The following FGFR1 variants were observed in gnomAD, a reference collection of about 807,000 sequenced individuals.
FGFR1 encodes the protein FGFR1/PLAG1 fusion.
Under a neutral mutation model 93.7 loss-of-function variants are expected in FGFR1, and 18 were observed. That is an observed-to-expected ratio of 0.19 (90% CI 0.13 to 0.28). FGFR1 has a LOEUF of 0.28. Ranked by LOEUF, FGFR1 falls within the 10% of genes least tolerant of loss-of-function variation. The pLI, the probability that FGFR1 is intolerant of heterozygous loss-of-function variation, is 1.00. For synonymous variants in FGFR1, 448 were observed against 429.3 expected (o/e 1.04, Z -0.54); for missense variants, 731 against 1,080.4 (o/e 0.68, Z 4.53).
rs1249233212 is a variant in FGFR1 at position 38,417,928 on chromosome 8, G to T, written c.1494C>A (p.Ile498=). 9.3e-6 allele frequency: 15 copies of T among 1,614,044 alleles called. No homozygotes were observed. Among genetic ancestry groups the T allele is most frequent in the Non-Finnish European group, 1.2e-5 (14 of 1,180,036 alleles). The change falls in exon 11 of 18, where the codon ATC becomes ATA. Residue 498 remains isoleucine (I), a synonymous_variant. Coordinates refer to ENST00000447712, the MANE Select transcript of FGFR1 (RefSeq NM_023110.3). ...GGTTGGGTTTGTCCTTGTCCAGCCCGATAGCCTCTGCCAACACCACCTGCC... is the reference window on the plus strand; with the variant it reads ...GGTTGGGTTTGTCCTTGTCCAGCCCTATAGCCTCTGCCAACACCACCTGCC... The part of the protein sequence containing the change: ...CFGQVVLAEA[I]GLDKDKPNRV...
intron 2 of FGFR1, among the ~76,000 whole-genome samples, chr8:38,449,624 T>C (rs1027026089): frequency 6.6e-6 from 1 of 152,020 alleles, no homozygotes; most frequent in African/African-American, 2.4e-5. Flanking sequence ...TGTGTCTCCA[T>C]GTCCAGGGCC....
intron 2 of FGFR1, 72 bp downstream of exon 2, chr8:38,457,284 A>AT (rs1833098977): frequency 1.9e-6 from 3 of 1,545,898 alleles, no homozygotes. Flanking sequence ...ACCTGCAACC[A>AT]TATCACCTCC....
At position 38,412,360 on chromosome 8, in the gene FGFR1, A is replaced by C. The variant is rs961183359; in HGVS notation, c.*1268T>G. 8.6e-6 allele frequency: 2 copies of C among 231,700 alleles called. No homozygotes were observed. Among genetic ancestry groups the C allele is most frequent in the African/African-American group, 4.4e-5 (2 of 45,194 alleles). 14.4% of individuals were successfully genotyped at this position (231,700 alleles called of 1,614,324 possible). A position where few individuals can be genotyped will look rare whatever the true frequency, so the allele number is the denominator to read the frequency against. On this transcript the variant is annotated 3_prime_UTR_variant, in exon 18 of 18. Coordinates refer to ENST00000447712, the MANE Select transcript of FGFR1 (RefSeq NM_023110.3). Reference sequence around the variant, plus strand: ...CAACCGCGCCCTTGCTTTCCTCTTAATCACTGTAGCTCTACCCCGTGGCTA... The same window carrying C: ...CAACCGCGCCCTTGCTTTCCTCTTACTCACTGTAGCTCTACCCCGTGGCTA...
At chr8:38,420,635 C>T (rs942281109) in intron 8 of FGFR1, among the ~76,000 whole-genome samples, 11 of 152,084 alleles carry the variant, frequency 7.2e-5, no homozygotes, top group East Asian at 5.8e-4. Context: ...CATCCCAGCA[C>T]GCACAGCACT....
intron 2 of FGFR1, among the ~76,000 whole-genome samples, chr8:38,456,535 G>A (rs1340526400): frequency 6.6e-6 from 1 of 152,182 alleles, no homozygotes; most frequent in Non-Finnish European, 1.5e-5. Context: ...GTGAGACACA[G>A]TTAAGGATAG....
chr8:38,417,638 G>A, intron 11 of FGFR1: 1 of 721,714 alleles, frequency 1.4e-6, no homozygotes, highest in South Asian at 1.6e-5. Flanking sequence ...GCAAGCGATG[G>A]ATCCAGGATA....
intron 1 of FGFR1, chr8:38,465,848 T>G (rs1045696650): frequency 4.5e-6 from 1 of 221,614 alleles, no homozygotes; most frequent in African/African-American, 2.2e-5. Flanking sequence ...AAAGCGCTGG[T>G]CCGGAGGTGC....
intron 1 of FGFR1, among the ~76,000 whole-genome samples, chr8:38,461,750 G>A (rs894196463): frequency 6.6e-6 from 1 of 152,140 alleles, no homozygotes; most frequent in Non-Finnish European, 1.5e-5. Flanking sequence ...GTGATTATGA[G>A]GCTCAAATGG....
At chr8:38,466,422 AG>A in intron 1 of FGFR1, 1 of 231,648 alleles carries the variant, frequency 4.3e-6, no homozygotes, top group Non-Finnish European at 8.5e-6. Context: ...ACAGCCAAAG[AG>A]CCCCCCTAGT....
chr8:38,436,322 C>T (rs1326243034), intron 2 of FGFR1, among the ~76,000 whole-genome samples: 1 of 152,102 alleles, frequency 6.6e-6, no homozygotes, highest in Admixed American at 6.5e-5. Context: ...GCTGCAGGAG[C>T]TATAATCTTG....
chr8:38,434,019 T>C (rs766627925), intron 2 of FGFR1, among the ~76,000 whole-genome samples: 2 of 152,238 alleles, frequency 1.3e-5, no homozygotes, highest in Non-Finnish European at 2.9e-5. Flanking sequence ...TCATACAATA[T>C]GTGATCTTTT....
intron 7 of FGFR1, 134 bp from the exon 8 acceptor site, chr8:38,422,075 G>A: frequency 3.6e-6 from 4 of 1,104,748 alleles, no homozygotes; most frequent in Non-Finnish European, 5.3e-6. Context: ...TTGCAACAAG[G>A]AACAAACGAA....
chr8:38,465,334 A>G (rs982159589), intron 1 of FGFR1: 2 of 232,642 alleles, frequency 8.6e-6, no homozygotes, highest in Non-Finnish European at 1.7e-5. Flanking sequence ...TTCTGCAGGC[A>G]TGTTTGGAAA....
intron 5 of FGFR1, among the ~76,000 whole-genome samples, chr8:38,427,218 T>A (rs1193020727): frequency 6.6e-6 from 1 of 152,180 alleles, no homozygotes; most frequent in Non-Finnish European, 1.5e-5. Flanking sequence ...GCAACATTAT[T>A]TATTATGGTG....
intron 2 of FGFR1, among the ~76,000 whole-genome samples, chr8:38,453,355 C>T (rs1452293945): frequency 2.0e-5 from 3 of 152,262 alleles, no homozygotes; most frequent in Non-Finnish European, 2.9e-5. Flanking sequence ...TCATGGCCTA[C>T]GGACCAGGCA....
In FGFR1 at chr8:38,429,118, A is replaced by T; in HGVS notation, c.358+564T>A. On this transcript the variant is annotated intron_variant, in intron 3 of 17. Transcript: ENST00000447712. The surrounding 1 kb of genome is among the most constrained non-coding windows in gnomAD (Gnocchi z 4.4). ...CACCCTGAGGTGCATAAATGGCATA[A>T]AGAAAATTTCAGCTCCACTTCCTCA... The T allele has an allele frequency of 2.8e-6, 1 of 361,562 alleles. No homozygotes were observed. The allele number at this position is 361,562 out of a possible 1,614,324, so 22.4% of individuals were successfully genotyped here. A position where few individuals can be genotyped will look rare whatever the true frequency, so the allele number is the denominator to read the frequency against.
At position 38,416,038 on chromosome 8, in the gene FGFR1, C is replaced by T. The variant is rs770350711; in HGVS notation, c.1686G>A (p.Glu562=). The change falls in exon 13 of 18, where the codon GAG becomes GAA. Residue 562 remains glutamate (E), a synonymous_variant. Transcript: ENST00000447712. The part of the protein sequence containing the change: ...TQDGPLYVIV[E]YASKGNLREY... ...CCCGCAGGTTGCCCTTGGAGGCATA[C>T]TCCACGATGACATACAAGGGACCTG... 56 of 1,613,074 alleles carry T rather than the reference C, an allele frequency of 3.5e-5. No homozygotes were observed. Among genetic ancestry groups the T allele is most frequent in the Non-Finnish European group, 4.5e-5 (53 of 1,179,884 alleles).
chr8:38,452,829 T>C (rs1371135361), intron 2 of FGFR1, among the ~76,000 whole-genome samples: 1 of 152,062 alleles, frequency 6.6e-6, no homozygotes, highest in Non-Finnish European at 1.5e-5. Context: ...ACAAAAAAAC[T>C]AGCTGGGCGT....
intron 2 of FGFR1, among the ~76,000 whole-genome samples, chr8:38,455,292 C>CT (rs35791795): frequency 6.6e-6 from 1 of 151,844 alleles, no homozygotes; most frequent in Non-Finnish European, 1.5e-5. Context: ...TTTTCTTTTT[C>CT]TTTTTTGAGA....
Sources: allele counts gnomAD v4.1 joint callset (sites outside exome capture counted in the v4.1 genomes callset), GRCh38; gene constraint gnomAD v4.1.1; non-coding constraint Gnocchi (gnomAD v3.1); transcripts MANE v1.5; gene names NCBI Gene and HGNC (gene_info 2026-07-23, HGNC 2026-07-21).